SH3D19: variants seen among roughly 807,000 people sequenced by gnomAD.
SH3D19 encodes SH3 domain containing 19.
A neutral mutation model predicts 112.1 loss-of-function variants in SH3D19; 58 were observed. The ratio of observed to expected loss-of-function variants is 0.52; its 90% CI spans 0.42 to 0.64. The LOEUF (loss-of-function observed/expected upper bound fraction) is 0.64. SH3D19 is among the 30% of genes least tolerant of loss of function. The pLI is 0.00. For synonymous variants in SH3D19, 391 were observed against 448.5 expected (o/e 0.87, Z 1.62); for missense variants, 1,090 against 1,263.4 (o/e 0.86, Z 2.08).
At chr4:151,131,299 T>C (rs1440037242) in intron 17 of SH3D19, among the ~76,000 whole-genome samples, 2 of 4,302 alleles carry the variant, frequency 4.6e-4, no homozygotes, top group Non-Finnish European at 9.1e-3. Flanking sequence ...ACTTTCTCTC[T>C]TTTTTTTTTA....
intron 9 of SH3D19, among the ~76,000 whole-genome samples, chr4:151,154,315 G>A (rs539503216): frequency 2.0e-5 from 3 of 150,554 alleles, no homozygotes; most frequent in East Asian, 1.9e-4. Flanking sequence ...TGGATTTTTA[G>A]TAGAGATGGG....
chr4:151,145,875 A>G (rs1398473279), intron 11 of SH3D19, among the ~76,000 whole-genome samples: 1 of 152,194 alleles, frequency 6.6e-6, no homozygotes, highest in African/African-American at 2.4e-5. Context: ...CTCACTTGTT[A>G]AAGGAGGATA....
At chr4:151,234,764 T>G (rs1769899229) in intron 1 of SH3D19, among the ~76,000 whole-genome samples, 11 of 119,848 alleles carry the variant, frequency 9.2e-5, no homozygotes, top group Non-Finnish European at 1.3e-4. Flanking sequence ...TTTTTTTTTT[T>G]TTAGACAGGG....
chr4:151,264,166 C>T (rs1772589998), intron 1 of SH3D19, among the ~76,000 whole-genome samples: 1 of 152,118 alleles, frequency 6.6e-6, no homozygotes, highest in African/African-American at 2.4e-5. Flanking sequence ...TAGTGGCTCA[C>T]TCACGTCTGT....
At chr4:151,240,466 A>T (rs1402158727) in intron 1 of SH3D19, among the ~76,000 whole-genome samples, 1 of 151,868 alleles carries the variant, frequency 6.6e-6, no homozygotes, top group Non-Finnish European at 1.5e-5. Flanking sequence ...CATAAGCAGA[A>T]GGTACTGCAC....
chr4:151,124,451 G>T (rs1748717067), intron 19 of SH3D19, among the ~76,000 whole-genome samples: 1 of 151,546 alleles, frequency 6.6e-6, no homozygotes, highest in African/African-American at 2.4e-5. Context: ...GGGTGCAGTG[G>T]CTCACTCCTG....
At chr4:151,314,520 C>T (rs894300691) in intron 1 of SH3D19, among the ~76,000 whole-genome samples, 2 of 152,134 alleles carry the variant, frequency 1.3e-5, no homozygotes. Context: ...TGTCCAAGGT[C>T]ACACTACAGT....
chr4:151,227,955 G>A, intron 1 of SH3D19: 1 of 985,370 alleles, frequency 1.0e-6, no homozygotes. Context: ...CTTCCCTCCA[G>A]GGCCTGTTCT....
Position 151,216,091 on chromosome 4 carries a change from A to G in SH3D19, c.152+9956T>C, listed in dbSNP as rs1767043678. Among the ~76,000 whole-genome samples the G allele has an allele frequency of 2.6e-5, 4 of 152,250 alleles. 1 individual carries two copies. The South Asian group carries it at 8.3e-4, about 32-fold the overall frequency. The stretch of plus-strand genomic sequence containing the variant: ...TGATCTGCCCATCTCGGCCTCCCAA[A>G]GTGCTGGGATTACAGGCATGAGCCA... On this transcript the variant is annotated intron_variant, in intron 2 of 19. Transcript: ENST00000604030.
chr4:151,228,512 C>T (rs1291324299), intron 1 of SH3D19, among the ~76,000 whole-genome samples: 1 of 141,714 alleles, frequency 7.1e-6, no homozygotes, highest in Non-Finnish European at 1.5e-5. Context: ...GTCTTATATA[C>T]TTATACTTTT....
chr4:151,136,045 G>A (rs967507175), intron 14 of SH3D19, among the ~76,000 whole-genome samples: 1 of 149,662 alleles, frequency 6.7e-6, no homozygotes, highest in African/African-American at 2.5e-5. Context: ...AACAACTTGT[G>A]GATTCTCTTC....
In SH3D19 at chr4:151,320,762, G is replaced by A. The variant is rs1424028606; in HGVS notation, c.112+4479C>T. On this transcript the variant is annotated intron_variant, in intron 1 of 19. Transcript: ENST00000604030. ...ACAAACAAACAAAAAAAACAGAACC[G>A]GGCACAGTGGCTCACGCCTGTAATT... Among the ~76,000 whole-genome samples, 4 of 152,154 alleles carry A rather than the reference G, an allele frequency of 2.6e-5. No individual in the cohort carries two copies. The East Asian group carries it at 5.8e-4, about 22-fold the overall frequency.
chr4:151,253,719 C>A (rs112655249), intron 1 of SH3D19, among the ~76,000 whole-genome samples: 2,740 of 144,930 alleles, frequency 0.019, 84 homozygotes, highest in African/African-American at 0.066. Flanking sequence ...CCAGCCTGGG[C>A]GACAGAGCGA....
At chr4:151,122,847 CTTTT>C (rs760704406) in intron 19 of SH3D19, among the ~76,000 whole-genome samples, 4 of 120,842 alleles carry the variant, frequency 3.3e-5, no homozygotes, top group Non-Finnish European at 3.4e-5. Context: ...ATTTTAGAGA[CTTTT>C]TTTTTTTTTT....
chr4:151,246,927 C>T (rs113845923), intron 1 of SH3D19, among the ~76,000 whole-genome samples: 41 of 152,172 alleles, frequency 2.7e-4, no homozygotes, highest in Non-Finnish European at 5.9e-5. Context: ...CTGAATGGCA[C>T]AAGATTTACA....
intron 2 of SH3D19, among the ~76,000 whole-genome samples, chr4:151,218,254 A>G (rs772294748): frequency 5.3e-5 from 8 of 152,086 alleles, no homozygotes; most frequent in Non-Finnish European, 1.0e-4. Context: ...TGTTTAATCA[A>G]TTTTTTCTGA....
At chr4:151,141,005 T>C (rs1425397727) in intron 12 of SH3D19, 1 of 152,254 alleles carries the variant, frequency 6.6e-6, no homozygotes, top group Non-Finnish European at 1.5e-5. Flanking sequence ...ATGGCTAATG[T>C]AGCTTACTAT....
intron 2 of SH3D19, among the ~76,000 whole-genome samples, chr4:151,210,341 T>C (rs1324874735): frequency 6.6e-6 from 1 of 152,100 alleles, no homozygotes; most frequent in Non-Finnish European, 1.5e-5. Context: ...GAAAATCATG[T>C]TATGGGAAAA....
At chr4:151,192,229 G>A (rs1163528924) in intron 2 of SH3D19, among the ~76,000 whole-genome samples, 2 of 152,118 alleles carry the variant, frequency 1.3e-5, no homozygotes, top group South Asian at 2.1e-4. Flanking sequence ...GAGCCACCGC[G>A]CCCGGCAAGA....
Sources: allele counts gnomAD v4.1 joint callset (sites outside exome capture counted in the v4.1 genomes callset), GRCh38; gene constraint gnomAD v4.1.1; transcripts MANE v1.5; gene names NCBI Gene and HGNC (gene_info 2026-07-23, HGNC 2026-07-21).